The following KLHL32 variants were observed in gnomAD, a reference collection of about 807,000 sequenced individuals.
KLHL32 encodes kelch-like protein 32.
KLHL32 carries 35 observed loss-of-function variants against 64.8 expected under a neutral mutation model. That is an observed-to-expected ratio of 0.54 (90% CI 0.41 to 0.72). The LOEUF is 0.72. Ranked by LOEUF, KLHL32 falls within the 30% of genes least tolerant of loss-of-function variation. The pLI, the probability that KLHL32 is intolerant of heterozygous loss-of-function variation, is 0.00. For missense variants in KLHL32, 589 were observed against 768.5 expected (o/e 0.77, Z 2.76); for synonymous variants, 259 against 281.0 (o/e 0.92, Z 0.78).
chr6:97,062,914 A>G (rs926743822), intron 4 of KLHL32, among the ~76,000 whole-genome samples: 2 of 152,214 alleles, frequency 1.3e-5, no homozygotes, highest in Non-Finnish European at 2.9e-5. Context: ...AAGGTATCTC[A>G]GGTAAGACGT....
At chr6:96,929,247 A>G (rs1769545056) in intron 1 of KLHL32, among the ~76,000 whole-genome samples, 1 of 152,182 alleles carries the variant, frequency 6.6e-6, no homozygotes, top group African/African-American at 2.4e-5. Flanking sequence ...AGGGATTTTA[A>G]TTCCTATCAA....
At chr6:97,029,584 C>A (rs1050717799) in intron 3 of KLHL32, among the ~76,000 whole-genome samples, 5 of 152,064 alleles carry the variant, frequency 3.3e-5, no homozygotes, top group Admixed American at 1.3e-4. Flanking sequence ...AGAAAACCAC[C>A]AACCAAACAT....
Position 96,962,043 on chromosome 6 carries a change from C to T in KLHL32, c.-65-4953C>T, listed in dbSNP as rs111621076. Among the ~76,000 whole-genome samples, 172 of 152,306 alleles carry T rather than the reference C, an allele frequency of 1.1e-3. 1 individual carries two copies. The highest frequency in any genetic ancestry group is 4.0e-3 in the African/African-American group (166 of 41,572). The stretch of plus-strand genomic sequence containing the variant: ...AGTTATGTATTTTTCGGTCATATAA[C>T]TTGCCAGTGGCAGTTTTAAGATCAA... On this transcript the variant is annotated intron_variant, in intron 1 of 10. Transcript: ENST00000369261.
intron 2 of KLHL32, 97 bp downstream of exon 2, chr6:96,967,180 A>C: frequency 1.9e-6 from 2 of 1,041,792 alleles, no homozygotes; most frequent in Non-Finnish European, 1.4e-6. Context: ...GGCTTAATGC[A>C]TATTTGAAGG....
At chr6:96,996,681 T>C (rs9481179) in intron 3 of KLHL32, among the ~76,000 whole-genome samples, 37,189 of 151,872 alleles carry the variant, frequency 0.24, 5,879 homozygotes, top group East Asian at 0.53. Context: ...TCCCTTTTCC[T>C]CTCTTCAACA....
At chr6:96,927,191 A>G (rs914872167) in intron 1 of KLHL32, among the ~76,000 whole-genome samples, 1 of 152,216 alleles carries the variant, frequency 6.6e-6, no homozygotes, top group Admixed American at 6.5e-5. Flanking sequence ...TTTAGAACTT[A>G]TGTTCCTGGC....
chr6:96,981,776 A>C (rs543497846), intron 3 of KLHL32, among the ~76,000 whole-genome samples: 1 of 152,078 alleles, frequency 6.6e-6, no homozygotes, highest in Non-Finnish European at 1.5e-5. Flanking sequence ...TTTTTAAATA[A>C]TTTTTTGACT....
intron 1 of KLHL32, among the ~76,000 whole-genome samples, chr6:96,934,610 G>C (rs1770349150): frequency 6.6e-6 from 1 of 152,228 alleles, no homozygotes; most frequent in Non-Finnish European, 1.5e-5. Flanking sequence ...CTGAAACAGA[G>C]GTTATCATTT....
At chr6:96,905,883 G>A in the KLHL32 span, among the ~76,000 whole-genome samples, 2 of 152,186 alleles carry the variant, frequency 1.3e-5, no homozygotes, top group African/African-American at 4.8e-5. Flanking sequence ...TTAGCTGCCT[G>A]AGGCTGTTTT....
At chr6:96,902,056 C>A in the KLHL32 span, among the ~76,000 whole-genome samples, 1 of 152,120 alleles carries the variant, frequency 6.6e-6, no homozygotes, top group African/African-American at 2.4e-5. Flanking sequence ...GTGCATATGT[C>A]TTTTTATTAA....
At chr6:96,925,573 C>T (rs1018454834) in intron 1 of KLHL32, among the ~76,000 whole-genome samples, 2 of 152,102 alleles carry the variant, frequency 1.3e-5, no homozygotes, top group African/African-American at 4.8e-5. Context: ...AGTTTAGATC[C>T]CTTCTTCCCC....
chr6:96,950,035 C>A (rs1772381675), intron 1 of KLHL32, among the ~76,000 whole-genome samples: 1 of 151,742 alleles, frequency 6.6e-6, no homozygotes, highest in African/African-American at 2.4e-5. Flanking sequence ...TAAAACAGAG[C>A]CACAGTGTAT....
intron 1 of KLHL32, among the ~76,000 whole-genome samples, chr6:96,932,360 G>A (rs938614543): frequency 1.3e-5 from 2 of 151,746 alleles, no homozygotes; most frequent in Admixed American, 1.3e-4. Context: ...TTTCTTGGAG[G>A]TATTCAAGAT....
intron 1 of KLHL32, among the ~76,000 whole-genome samples, chr6:96,943,036 TACACAC>T (rs113696398): frequency 0.13 from 19,056 of 146,300 alleles, 1,798 homozygotes; most frequent in African/African-American, 0.26. Context: ...ATGCTCCCTC[TACACAC>T]ACACACACAC....
At chr6:96,987,056 T>C (rs1777193402) in intron 3 of KLHL32, among the ~76,000 whole-genome samples, 1 of 152,214 alleles carries the variant, frequency 6.6e-6, no homozygotes, top group Non-Finnish European at 1.5e-5. Context: ...AGTGGTGATA[T>C]CCCCTTTATC....
At chr6:97,004,833 C>T (rs1355515047) in intron 3 of KLHL32, among the ~76,000 whole-genome samples, 2 of 152,106 alleles carry the variant, frequency 1.3e-5, no homozygotes, top group African/African-American at 2.4e-5. Context: ...CCTATTTGAT[C>T]GTAGTGCATT....
At chr6:96,967,425 GTA>G (rs766082134) in intron 2 of KLHL32, among the ~76,000 whole-genome samples, 45 of 149,328 alleles carry the variant, frequency 3.0e-4, no homozygotes, top group Non-Finnish European at 4.8e-4. Context: ...ATGTGTGTGT[GTA>G]TATATATATA....
At chr6:96,996,345 T>G (rs145961500) in intron 3 of KLHL32, among the ~76,000 whole-genome samples, 121 of 152,318 alleles carry the variant, frequency 7.9e-4, no homozygotes, top group African/African-American at 2.7e-3. Flanking sequence ...ATGTAATTTT[T>G]AGAATTGAGA....
At chr6:97,037,888 C>A (rs1784533523) in intron 3 of KLHL32, among the ~76,000 whole-genome samples, 1 of 152,154 alleles carries the variant, frequency 6.6e-6, no homozygotes, top group South Asian at 2.1e-4. Context: ...GACAACTCAT[C>A]TTTGCAAAGG....
Sources: gnomAD v4.1 joint callset for allele counts (sites outside exome capture counted in the v4.1 genomes callset) on GRCh38, gnomAD v4.1.1 for gene constraint, MANE v1.5 for transcripts, NCBI Gene and HGNC (gene_info 2026-07-23, HGNC 2026-07-21) for gene names.